TUBB6: variants seen among roughly 807,000 people sequenced by gnomAD.
TUBB6 encodes tubulin beta 6 class V.
A neutral mutation model predicts 32.3 loss-of-function variants in TUBB6; 18 were observed. That is an observed-to-expected ratio of 0.56 (90% CI 0.39 to 0.83). The LOEUF (loss-of-function observed/expected upper bound fraction) is 0.83, where lower values mean the gene tolerates loss of function less well. TUBB6 is among the 40% of genes least tolerant of loss of function. The pLI is 0.00. For synonymous variants in TUBB6, 280 were observed against 265.8 expected, an observed-to-expected ratio of 1.05 and a Z score of -0.52; for missense variants, 480 against 632.0, an observed-to-expected ratio of 0.76 and a Z score of 2.58.
At chr18:12,329,392 C>G (rs1212762536), downstream of TUBB6, 2 of 729,102 alleles carry the variant, frequency 2.7e-6, no homozygotes, top group Non-Finnish European at 4.8e-6. Flanking sequence ...CACCTGCCAC[C>G]CACTGTGACC....
At chr18:12,315,118 G>T (rs1906602897) in intron 3 of TUBB6, among the ~76,000 whole-genome samples, 1 of 151,692 alleles carries the variant, frequency 6.6e-6, no homozygotes, top group Non-Finnish European at 1.5e-5. Flanking sequence ...TCTCATTATT[G>T]TAATCATGGT....
At chr18:12,323,752 G>A (rs1332019791) in intron 3 of TUBB6, among the ~76,000 whole-genome samples, 3 of 151,844 alleles carry the variant, frequency 2.0e-5, no homozygotes, top group Non-Finnish European at 4.4e-5. Context: ...AGCTTGCAGT[G>A]AGCCGAGATC....
intron 3 of TUBB6, among the ~76,000 whole-genome samples, chr18:12,322,721 A>G (rs1907054068): frequency 6.6e-6 from 1 of 152,240 alleles, no homozygotes; most frequent in Admixed American, 6.5e-5. Context: ...ATTAAGAGGA[A>G]TAGAATTGAT....
intron 3 of TUBB6, among the ~76,000 whole-genome samples, chr18:12,321,650 G>A (rs969359450): frequency 1.3e-5 from 2 of 152,214 alleles, no homozygotes; most frequent in South Asian, 4.1e-4. Context: ...GTGAATTGTT[G>A]CCACCAGCCG....
At chr18:12,314,396 G>A (rs780478189) in intron 3 of TUBB6, among the ~76,000 whole-genome samples, 8 of 152,042 alleles carry the variant, frequency 5.3e-5, no homozygotes, top group Non-Finnish European at 8.8e-5. Context: ...GATTTCTTGA[G>A]TCTGAATTAT....
At chr18:12,314,963 CTTT>C (rs5823207) in intron 3 of TUBB6, among the ~76,000 whole-genome samples, 60 of 150,830 alleles carry the variant, frequency 4.0e-4, no homozygotes, top group African/African-American at 8.3e-4. Context: ...TTAAACTTTG[CTTT>C]TTTTTTTTAG....
At chr18:12,315,361 T>A (rs1052559371) in intron 3 of TUBB6, among the ~76,000 whole-genome samples, 37 of 152,360 alleles carry the variant, frequency 2.4e-4, no homozygotes, top group African/African-American at 8.7e-4. Context: ...CAGAATAGAT[T>A]CTCAAAAAGC....
rs567261965 is a variant in TUBB6 at position 12,319,334 on chromosome 18, G to A, written c.278-5733G>A. Reference sequence around the variant, plus strand: ...AATTTTTTGTATTTTTAGTAGAGATGGGGTTTCCCCATATTGGCCAGGCTG... The same window carrying A: ...AATTTTTTGTATTTTTAGTAGAGATAGGGTTTCCCCATATTGGCCAGGCTG... On this transcript the variant is annotated intron_variant, in intron 3 of 3. Coordinates refer to ENST00000317702, the MANE Select transcript of TUBB6 (RefSeq NM_032525.3). 9.0e-4 allele frequency among the ~76,000 whole-genome samples: 137 copies of A among 151,904 alleles called. 1 individual carries two copies. The South Asian group carries it at 0.028, about 31-fold the overall frequency.
upstream of TUBB6, chr18:12,308,231 G>T (rs1459684010): frequency 2.6e-4 from 324 of 1,259,790 alleles, no homozygotes; most frequent in Non-Finnish European, 3.2e-4. Context: ...GACGCGCGCA[G>T]CCGGCCCGCA....
intron 3 of TUBB6, among the ~76,000 whole-genome samples, chr18:12,317,147 C>A (rs1271739923): frequency 2.0e-5 from 3 of 147,962 alleles, no homozygotes; most frequent in East Asian, 4.0e-4. Flanking sequence ...TGGAGTGAGA[C>A]CCTGTCAAAA....
chr18:12,319,302 C>G (rs1906850738), intron 3 of TUBB6, among the ~76,000 whole-genome samples: 1 of 152,064 alleles, frequency 6.6e-6, no homozygotes, highest in South Asian at 2.1e-4. Flanking sequence ...TGCCACCACA[C>G]CCAGCTAATT....
rs1386010502 is a variant in TUBB6 at position 12,308,445 on chromosome 18, G to C, written c.57+96G>C. 3 of 1,032,920 alleles carry C rather than the reference G, an allele frequency of 2.9e-6. No homozygotes were observed. In the African/African-American group the frequency reaches 5.1e-5, roughly 17 times the overall value. 64.0% of individuals were successfully genotyped at this position (1,032,920 alleles called of 1,614,324 possible). On this transcript the variant is annotated intron_variant, in intron 1 of 3. Transcript: ENST00000317702. ...CCCCGCCGGGGCGCGCACCCGCTGT[G>C]CGCCCCTGGGTCCTCGGAGCCCGGT...
intron 3 of TUBB6, among the ~76,000 whole-genome samples, chr18:12,313,028 G>A (rs1906478316): frequency 1.5e-5 from 2 of 136,948 alleles, no homozygotes; most frequent in African/African-American, 5.6e-5. Flanking sequence ...ATAAAGTTTT[G>A]GATGTGTTCC....
chr18:12,311,522 G>T (rs886201871), intron 3 of TUBB6, among the ~76,000 whole-genome samples: 1 of 152,134 alleles, frequency 6.6e-6, no homozygotes, highest in Non-Finnish European at 1.5e-5. Flanking sequence ...GCTGGAACCC[G>T]GGAGGTAGAG....
At chr18:12,310,385 G>A (rs1906303488) in intron 2 of TUBB6, among the ~76,000 whole-genome samples, 1 of 151,860 alleles carries the variant, frequency 6.6e-6, no homozygotes, top group South Asian at 2.1e-4. Context: ...CAGCTACTTG[G>A]GAGGCTGAGG....
intron 2 of TUBB6, 124 bp downstream of exon 2, chr18:12,308,919 ACTC>A: frequency 3.0e-6 from 2 of 661,942 alleles, no homozygotes; most frequent in Non-Finnish European, 5.6e-6. Context: ...ATGCCCGGCC[ACTC>A]CCTTCGCTCC....
intron 3 of TUBB6, among the ~76,000 whole-genome samples, chr18:12,313,181 G>A (rs867412566): frequency 6.6e-5 from 10 of 152,154 alleles, no homozygotes; most frequent in South Asian, 6.2e-4. Context: ...TTAGGTATAA[G>A]AAACAGATGT....
At position 12,325,972 on chromosome 18, in the gene TUBB6, C is replaced by A; in HGVS notation, c.1183C>A (p.Leu395Met). The A allele has an allele frequency of 6.2e-7, 1 of 1,614,110 alleles. No individual in the cohort carries two copies. Among genetic ancestry groups the A allele is most frequent in the East Asian group, 2.2e-5 (1 of 44,880 alleles). ...FSAMFRRKAF[L>M]HWFTGEGMDE... Reference sequence around the variant, plus strand: ...AGCCATGTTCCGGCGCAAGGCCTTCCTGCACTGGTTCACGGGTGAGGGCAT... The same window carrying A: ...AGCCATGTTCCGGCGCAAGGCCTTCATGCACTGGTTCACGGGTGAGGGCAT... The change falls in exon 4 of 4, where the codon CTG becomes ATG. Residue 395 changes from leucine to methionine, a missense_variant. Leu to Met is a conservative substitution (Grantham distance 15, BLOSUM62 2). Transcript: ENST00000317702.
chr18:12,315,663 C>A (rs760989710), intron 3 of TUBB6, among the ~76,000 whole-genome samples: 1 of 152,190 alleles, frequency 6.6e-6, no homozygotes, highest in South Asian at 2.1e-4. Context: ...CCAGGACTCA[C>A]GCATAGAGGA....
Sources: allele counts gnomAD v4.1 joint callset (sites outside exome capture counted in the v4.1 genomes callset), GRCh38; gene constraint gnomAD v4.1.1; transcripts MANE v1.5; gene names NCBI Gene and HGNC (gene_info 2026-07-23, HGNC 2026-07-21).